DYM: variants seen among roughly 807,000 people sequenced by gnomAD.
DYM encodes the protein dymeclin, also known as dyggve-Melchior-Clausen syndrome protein.
In DYM, 78 loss-of-function variants were observed where a neutral mutation model predicts 93.1. The ratio of observed to expected loss-of-function variants is 0.84; its 90% CI spans 0.70 to 1.01. The LOEUF (loss-of-function observed/expected upper bound fraction) is 1.01, where lower values mean the gene tolerates loss of function less well. DYM is among the 50% of genes least tolerant of loss of function. The pLI, the probability that DYM is intolerant of heterozygous loss-of-function variation, is 0.00. For missense variants in DYM, 789 were observed against 845.0 expected, an observed-to-expected ratio of 0.93 and a Z score of 0.82; for synonymous variants, 321 against 319.7, an observed-to-expected ratio of 1.00 and a Z score of -0.04.
chr18:49,148,181 CG>C (rs1568496116), intron 15 of DYM, among the ~76,000 whole-genome samples: 1 of 151,828 alleles, frequency 6.6e-6, no homozygotes, highest in African/African-American at 2.4e-5. Context: ...CATCACACAC[CG>C]GGGCCTGTTG....
At position 49,306,702 on chromosome 18, in the gene DYM, A is replaced by G. The variant is rs2061297540; in HGVS notation, c.764-20086T>C. 2.0e-5 allele frequency among the ~76,000 whole-genome samples: 3 copies of G among 152,240 alleles called. No homozygotes were observed. The South Asian group carries it at 6.2e-4, about 31-fold the overall frequency. ...TAACAGGCTTCTAACTTCTCGATTC[A>G]TAAGTGAGTTATGCATTTATTTTCT... On this transcript the variant is annotated intron_variant, in intron 8 of 17. Transcript: ENST00000675505.
At chr18:49,074,184 G>A (rs2077120336) in intron 17 of DYM, among the ~76,000 whole-genome samples, 1 of 152,126 alleles carries the variant, frequency 6.6e-6, no homozygotes. Flanking sequence ...AACCAACCAT[G>A]GATTTAAAAT....
intron 8 of DYM, among the ~76,000 whole-genome samples, chr18:49,326,850 T>C (rs2062915042): frequency 6.6e-6 from 1 of 152,144 alleles, no homozygotes; most frequent in African/African-American, 2.4e-5. Context: ...TTAAGGACAG[T>C]TGGATGCTAA....
chr18:49,127,382 T>C (rs1262528316), intron 15 of DYM, among the ~76,000 whole-genome samples: 1 of 152,248 alleles, frequency 6.6e-6, no homozygotes, highest in Non-Finnish European at 1.5e-5. Context: ...TTAACAGCAG[T>C]CAGAGTTGCC....
intron 1 of DYM, among the ~76,000 whole-genome samples, chr18:49,448,935 G>T (rs954126548): frequency 6.6e-6 from 1 of 152,160 alleles, no homozygotes; most frequent in African/African-American, 2.4e-5. Flanking sequence ...TCCCCAAAAT[G>T]AGAGAAGCAA....
intron 14 of DYM, among the ~76,000 whole-genome samples, chr18:49,204,355 A>G (rs2092355627): frequency 6.6e-6 from 1 of 152,246 alleles, no homozygotes; most frequent in African/African-American, 2.4e-5. Context: ...ATAGTAACTC[A>G]AAATAAACTG....
intron 5 of DYM, among the ~76,000 whole-genome samples, chr18:49,373,197 A>C (rs2067202884): frequency 6.6e-6 from 1 of 152,210 alleles, no homozygotes; most frequent in Non-Finnish European, 1.5e-5. Context: ...CCAGACCCCA[A>C]GACAGGGTTC....
intron 17 of DYM, among the ~76,000 whole-genome samples, chr18:49,063,264 C>A (rs1024538412): frequency 6.6e-6 from 1 of 151,452 alleles, no homozygotes; most frequent in South Asian, 2.1e-4. Flanking sequence ...AGTGAAACCG[C>A]AAGATTAGGA....
chr18:49,128,489 C>T (rs1244669748), intron 15 of DYM, among the ~76,000 whole-genome samples: 1 of 152,130 alleles, frequency 6.6e-6, no homozygotes, highest in Non-Finnish European at 1.5e-5. Context: ...AAGTCTTTGA[C>T]TTTCTACTGA....
intron 17 of DYM, among the ~76,000 whole-genome samples, chr18:49,051,855 T>C (rs2072484237): frequency 6.6e-6 from 1 of 152,056 alleles, no homozygotes; most frequent in Non-Finnish European, 1.5e-5. Context: ...CTACTGGTCA[T>C]GGGGGGACTG....
chr18:49,348,945 C>T (rs899151153), intron 6 of DYM, among the ~76,000 whole-genome samples: 23 of 148,828 alleles, frequency 1.5e-4, no homozygotes, highest in African/African-American at 2.7e-4. Context: ...CAGTGGCTCA[C>T]GCCTATAATC....
chr18:49,179,748 G>GT (rs1048219160), intron 14 of DYM, among the ~76,000 whole-genome samples: 1 of 152,098 alleles, frequency 6.6e-6, no homozygotes, highest in Admixed American at 6.6e-5. Flanking sequence ...TTAACACGAA[G>GT]TATCTACTGC....
At chr18:49,086,053 G>A (rs954705870) in intron 17 of DYM, among the ~76,000 whole-genome samples, 5 of 152,206 alleles carry the variant, frequency 3.3e-5, no homozygotes, top group African/African-American at 1.2e-4. Flanking sequence ...CTTTCCTACT[G>A]AAGAATGCCA....
chr18:49,347,514 G>A (rs1398857165), intron 6 of DYM, among the ~76,000 whole-genome samples: 1 of 152,162 alleles, frequency 6.6e-6, no homozygotes, highest in Admixed American at 6.5e-5. Flanking sequence ...TCGAAATGAA[G>A]AAAGTCAGGG....
chr18:49,118,996 G>T (rs1219672694), intron 15 of DYM, 70 bp from the exon 16 acceptor site: 33 of 1,307,512 alleles, frequency 2.5e-5, no homozygotes, highest in Non-Finnish European at 3.3e-5. Context: ...ATGAAAATAA[G>T]AGTAATTCCC....
intron 8 of DYM, among the ~76,000 whole-genome samples, chr18:49,320,264 T>C (rs2062363605): frequency 1.3e-5 from 2 of 152,110 alleles, no homozygotes; most frequent in South Asian, 4.2e-4. Context: ...CCAACACTTA[T>C]TATGAAAATA....
chr18:49,294,360 A>G (rs886402359), intron 8 of DYM, among the ~76,000 whole-genome samples: 2 of 152,152 alleles, frequency 1.3e-5, no homozygotes, highest in Non-Finnish European at 2.9e-5. Context: ...AAGAAAGTCA[A>G]TGGTAGCTTG....
rs1258001490 is a variant in DYM at position 49,420,602 on chromosome 18, A to G, written c.140+9653T>C. ...CAGCTCCCAGCATGAGCAACACAGA[A>G]GACGGGTGATTTCTGCATTTCCAAC... On this transcript the variant is annotated intron_variant, in intron 2 of 17. Coordinates refer to ENST00000675505, the MANE Select transcript of DYM (RefSeq NM_001353214.3). Among the ~76,000 whole-genome samples the G allele has an allele frequency of 2.0e-5, 3 of 152,316 alleles. No individual in the cohort carries two copies. In the East Asian group the frequency reaches 5.8e-4, roughly 29 times the overall value.
intron 9 of DYM, among the ~76,000 whole-genome samples, chr18:49,284,224 A>G (rs1457741829): frequency 2.0e-5 from 3 of 152,238 alleles, no homozygotes; most frequent in African/African-American, 7.2e-5. Flanking sequence ...AATGCTATGA[A>G]CCAGCTGTTA....
Sources: gnomAD v4.1 joint callset for allele counts (sites outside exome capture counted in the v4.1 genomes callset) on GRCh38, gnomAD v4.1.1 for gene constraint, MANE v1.5 for transcripts, NCBI Gene and HGNC (gene_info 2026-07-23, HGNC 2026-07-21) for gene names.